Variants in ASIC2 observed in about 807,000 individuals in gnomAD.
ASIC2 encodes the protein acid-sensing ion channel 2.
Under a neutral mutation model 57.3 loss-of-function variants are expected in ASIC2, and 25 were observed. That is an observed-to-expected ratio of 0.44 (90% CI 0.32 to 0.61). The LOEUF (loss-of-function observed/expected upper bound fraction) is 0.61, where lower values mean the gene tolerates loss of function less well. ASIC2 is among the 20% of genes least tolerant of loss of function. ASIC2 has a pLI of 0.06. For synonymous variants in ASIC2, 319 were observed against 307.5 expected, an observed-to-expected ratio of 1.04 and a Z score of -0.39; for missense variants, 641 against 738.1, an observed-to-expected ratio of 0.87 and a Z score of 1.52.
intron 1 of ASIC2, among the ~76,000 whole-genome samples, chr17:33,470,191 C>T (rs1410842208): frequency 6.6e-6 from 1 of 152,154 alleles, no homozygotes; most frequent in Non-Finnish European, 1.5e-5. Context: ...TAATAGCAGA[C>T]TCCAGCCAGG....
chr17:33,846,886 T>C (rs1218495532), intron 1 of ASIC2, among the ~76,000 whole-genome samples: 1 of 152,112 alleles, frequency 6.6e-6, no homozygotes, highest in Non-Finnish European at 1.5e-5. Context: ...GTCTCTTCCC[T>C]GGGACATGAT....
At chr17:33,579,126 A>C (rs56172880) in intron 1 of ASIC2, among the ~76,000 whole-genome samples, 18,320 of 151,944 alleles carry the variant, frequency 0.12, 1,435 homozygotes, top group East Asian at 0.33. Context: ...CTCTACTAAA[A>C]ATATAAAACA....
At chr17:33,179,859 C>T (rs1208892092) in intron 1 of ASIC2, among the ~76,000 whole-genome samples, 7 of 152,214 alleles carry the variant, frequency 4.6e-5, no homozygotes, top group Admixed American at 3.9e-4. Context: ...CGTTTGTTGA[C>T]AGGCTCTTCC....
chr17:33,346,287 A>C (rs184088815), intron 1 of ASIC2, among the ~76,000 whole-genome samples: 1 of 149,866 alleles, frequency 6.7e-6, no homozygotes, highest in African/African-American at 2.4e-5. Context: ...AAAGACACCT[A>C]TGTACATTTT....
rs1433705319 is a variant in ASIC2 at position 33,991,240 on chromosome 17, T to C, written c.555+164738A>G. ...GAGGATGATGGAGTCAGAGAAAATA[T>C]TCATAGATTCAACTAAGTCAAACCC... On this transcript the variant is annotated intron_variant, in intron 1 of 9. Coordinates refer to the ASIC2 transcript ENST00000359872. Among the ~76,000 whole-genome samples the C allele has an allele frequency of 2.6e-5, 4 of 152,310 alleles. No homozygotes were observed. In the South Asian group the frequency reaches 6.2e-4, roughly 24 times the overall value.
chr17:33,671,470 T>A (rs1411547403), intron 1 of ASIC2, among the ~76,000 whole-genome samples: 2 of 152,128 alleles, frequency 1.3e-5, no homozygotes, highest in Non-Finnish European at 2.9e-5. Context: ...TCACTAGACA[T>A]TGAATTAGTG....
At chr17:33,226,721 A>G (rs1158498737) in intron 1 of ASIC2, among the ~76,000 whole-genome samples, 3 of 152,196 alleles carry the variant, frequency 2.0e-5, no homozygotes, top group Non-Finnish European at 4.4e-5. Flanking sequence ...ATAAATGGGA[A>G]AAGGAAGAGA....
intron 1 of ASIC2, among the ~76,000 whole-genome samples, chr17:33,993,447 C>T (rs1906061188): frequency 6.6e-6 from 1 of 152,234 alleles, no homozygotes; most frequent in Non-Finnish European, 1.5e-5. Context: ...TGCACAGCCA[C>T]ATGGCTGTTA....
At chr17:33,702,165 G>T (rs1353230941) in intron 1 of ASIC2, among the ~76,000 whole-genome samples, 1 of 152,134 alleles carries the variant, frequency 6.6e-6, no homozygotes, top group African/African-American at 2.4e-5. Flanking sequence ...AAGCATACTC[G>T]CTTTGGTACT....
intron 1 of ASIC2, among the ~76,000 whole-genome samples, chr17:34,128,134 G>A (rs1325608993): frequency 1.3e-5 from 2 of 152,180 alleles, no homozygotes; most frequent in African/African-American, 4.8e-5. Flanking sequence ...GGTAGAGGAT[G>A]AGAAAAAGGG....
intron 1 of ASIC2, among the ~76,000 whole-genome samples, chr17:33,770,479 C>T (rs935012549): frequency 2.6e-5 from 4 of 152,168 alleles, no homozygotes; most frequent in African/African-American, 9.7e-5. Context: ...GCCACGACTG[C>T]TATTTGACAG....
chr17:33,484,692 G>C (rs966270249), intron 1 of ASIC2, among the ~76,000 whole-genome samples: 6 of 152,184 alleles, frequency 3.9e-5, no homozygotes, highest in Non-Finnish European at 7.3e-5. Context: ...GTGGGGCTTG[G>C]ACACCGGACC....
intron 1 of ASIC2, among the ~76,000 whole-genome samples, chr17:33,880,471 A>G (rs1278247598): frequency 6.6e-6 from 1 of 152,224 alleles, no homozygotes; most frequent in Non-Finnish European, 1.5e-5. Flanking sequence ...AGAGAATACT[A>G]TAAACACCTC....
intron 1 of ASIC2, among the ~76,000 whole-genome samples, chr17:33,579,862 CA>C (rs1168529672): frequency 6.6e-6 from 1 of 152,192 alleles, no homozygotes; most frequent in Non-Finnish European, 1.5e-5. Context: ...TATTTGGCCC[CA>C]CCCACATCCT....
intron 1 of ASIC2, among the ~76,000 whole-genome samples, chr17:33,856,521 G>GATA (rs1913946078): frequency 6.6e-6 from 1 of 151,464 alleles, no homozygotes; most frequent in East Asian, 1.9e-4. Context: ...TGGTGGTGGT[G>GATA]GTAGTAGTAG....
Position 33,026,440 on chromosome 17 carries a change from C to T in ASIC2, c.1139-458G>A, listed in dbSNP as rs117777726. Among the ~76,000 whole-genome samples the T allele has an allele frequency of 5.3e-5, 8 of 152,286 alleles. No homozygotes were observed. The East Asian group carries it at 1.3e-3, about 26-fold the overall frequency. The stretch of plus-strand genomic sequence containing the variant: ...ATAATTTTGAGGCTTAAGCATCCTG[C>T]CTTCCCAGGACACCAAGGCTAGTAG... On this transcript the variant is annotated intron_variant, in intron 4 of 9. Transcript: ENST00000225823.
At chr17:33,482,094 C>G (rs1913426563) in intron 1 of ASIC2, among the ~76,000 whole-genome samples, 1 of 152,242 alleles carries the variant, frequency 6.6e-6, no homozygotes, top group South Asian at 2.1e-4. Context: ...CCAGTCCTCT[C>G]TTTGCTCCAG....
rs78874919 is a variant in ASIC2, at chr17:33,685,114, G to T, written c.555+470864C>A. ...GTCCTCACGTTCTGGTTCCCCCTGG[G>T]GGGGCTTAGTCTTTCACTGAGAGGA... is the stretch of plus-strand genomic sequence containing the variant. On this transcript the variant is annotated intron_variant, in intron 1 of 9. Coordinates refer to the ASIC2 transcript ENST00000359872. Among the ~76,000 whole-genome samples, 938 of 152,268 alleles carry T rather than the reference G, an allele frequency of 6.2e-3. 11 individuals are homozygous for T. The highest frequency in any genetic ancestry group is 0.017 in the African/African-American group (696 of 41,536).
At chr17:33,252,362 T>C (rs1222234116) in intron 1 of ASIC2, among the ~76,000 whole-genome samples, 1 of 152,176 alleles carries the variant, frequency 6.6e-6, no homozygotes, top group Admixed American at 6.5e-5. Flanking sequence ...CAGCCGGCCC[T>C]GCTACAAACA....
Sources: gnomAD v4.1 joint callset for allele counts (sites outside exome capture counted in the v4.1 genomes callset) on GRCh38, gnomAD v4.1.1 for gene constraint, MANE v1.5 for transcripts, NCBI Gene and HGNC (gene_info 2026-07-23, HGNC 2026-07-21) for gene names.